TAFA1: variants seen among roughly 807,000 people sequenced by gnomAD.
The protein encoded by TAFA1 is TAFA chemokine like family member 1.
In TAFA1, 4 loss-of-function variants were observed where a neutral mutation model predicts 18.5. That is an observed-to-expected ratio of 0.22 (90% CI 0.11 to 0.49). The LOEUF (loss-of-function observed/expected upper bound fraction) is 0.49. Among genes scored for constraint, TAFA1 ranks in the 20% least tolerant of loss-of-function variants. The probability of loss-of-function intolerance (pLI) is 0.98; values close to 1 mark genes in which losing one functional copy is unlikely to be tolerated. For synonymous variants in TAFA1, 56 were observed against 55.2 expected (o/e 1.01, Z -0.06); for missense variants, 147 against 169.0 (o/e 0.87, Z 0.72).
rs149365196 is a variant in TAFA1 at position 68,498,796 on chromosome 3, A to G, written c.260-39960A>G. Among the ~76,000 whole-genome samples, 1,051 of 143,408 alleles carry G rather than the reference A, an allele frequency of 7.3e-3. 23 individuals carry two copies. The highest frequency in any genetic ancestry group is 0.027 in the African/African-American group (999 of 37,298). 94.1% of individuals were successfully genotyped at this position (143,408 alleles called of 152,430 possible). On this transcript the variant is annotated intron_variant, in intron 3 of 4. Transcript: ENST00000478136. ...AAAACTATTTTAGTGGCCACCATGT[A>G]GAAAGAAACATTTGAAGTAATTCTT...
intron 2 of TAFA1, among the ~76,000 whole-genome samples, chr3:68,394,603 G>T (rs1387745675): frequency 1.3e-5 from 2 of 152,068 alleles, no homozygotes; most frequent in Non-Finnish European, 2.9e-5. Context: ...TACCAAAACA[G>T]ATATATAGAC....
intron 2 of TAFA1, among the ~76,000 whole-genome samples, chr3:68,150,111 G>C (rs1345093874): frequency 3.3e-5 from 5 of 152,186 alleles, no homozygotes. Flanking sequence ...GATGAATTAT[G>C]GATGCTACAG....
At chr3:68,087,124 T>G (rs1395496861) in intron 2 of TAFA1, among the ~76,000 whole-genome samples, 2 of 152,230 alleles carry the variant, frequency 1.3e-5, no homozygotes, top group Non-Finnish European at 2.9e-5. Context: ...ATTGGATACC[T>G]ACTGTTGTAC....
intron 3 of TAFA1, among the ~76,000 whole-genome samples, chr3:68,442,842 C>A (rs972528406): frequency 9.2e-5 from 14 of 152,118 alleles, no homozygotes; most frequent in African/African-American, 3.4e-4. Flanking sequence ...TGTTTCTCTC[C>A]ATCAGATAGC....
intron 2 of TAFA1, among the ~76,000 whole-genome samples, chr3:68,064,720 AT>A (rs75015019): frequency 6.6e-6 from 1 of 151,040 alleles, no homozygotes; most frequent in Non-Finnish European, 1.5e-5. Flanking sequence ...GTTTTGTGTA[AT>A]TTTTTTTGCC....
chr3:68,318,983 G>A (rs1390384096), intron 2 of TAFA1, among the ~76,000 whole-genome samples: 2 of 152,102 alleles, frequency 1.3e-5, no homozygotes, highest in Non-Finnish European at 2.9e-5. Context: ...TCAGAAGTCA[G>A]CATTTTATTT....
intron 2 of TAFA1, among the ~76,000 whole-genome samples, chr3:68,317,914 G>A (rs1352852957): frequency 6.6e-6 from 1 of 152,032 alleles, no homozygotes; most frequent in Non-Finnish European, 1.5e-5. Flanking sequence ...AAGTGCCTGG[G>A]AGCCTGTAAA....
intron 2 of TAFA1, among the ~76,000 whole-genome samples, chr3:68,416,372 T>C (rs1461162100): frequency 6.6e-6 from 1 of 152,216 alleles, no homozygotes; most frequent in East Asian, 1.9e-4. Context: ...AACAAATGCT[T>C]GGTGAATTTT....
chr3:68,499,805 T>A (rs2106702921), intron 3 of TAFA1, among the ~76,000 whole-genome samples: 1 of 151,890 alleles, frequency 6.6e-6, no homozygotes, highest in East Asian at 1.9e-4. Context: ...CTGTCAAGAT[T>A]CTCTTGGTTA....
At chr3:68,152,345 C>A (rs1002881545) in intron 2 of TAFA1, among the ~76,000 whole-genome samples, 2 of 152,110 alleles carry the variant, frequency 1.3e-5, no homozygotes, top group Non-Finnish European at 2.9e-5. Context: ...CCAAACCTCC[C>A]AGACATCTAT....
At position 68,342,683 on chromosome 3, in the gene TAFA1, A is replaced by G. The variant is rs79452777; in HGVS notation, c.119-74597A>G. On this transcript the variant is annotated intron_variant, in intron 2 of 4. Coordinates refer to ENST00000478136, the MANE Select transcript of TAFA1 (RefSeq NM_213609.4). ...GCCTCTCTCGTCATTTCTCAGTTCT[A>G]TGGAGAATAAAAGCCTCAACTTTAT... Among the ~76,000 whole-genome samples the G allele has an allele frequency of 6.1e-3, 923 of 152,298 alleles. 12 individuals carry two copies. The highest frequency in any genetic ancestry group is 0.02 in the African/African-American group (833 of 41,564).
At chr3:68,359,944 A>T (rs1001288454) in intron 2 of TAFA1, among the ~76,000 whole-genome samples, 1 of 152,000 alleles carries the variant, frequency 6.6e-6, no homozygotes, top group African/African-American at 2.4e-5. Flanking sequence ...ACACAAAAAT[A>T]CAAGTGTGCT....
intron 2 of TAFA1, among the ~76,000 whole-genome samples, chr3:68,244,583 C>T (rs2067042139): frequency 6.6e-6 from 1 of 151,850 alleles, no homozygotes; most frequent in Non-Finnish European, 1.5e-5. Flanking sequence ...GCTATTTTGC[C>T]CAGGCTGGTC....
chr3:68,346,321 G>A (rs755630638), intron 2 of TAFA1, among the ~76,000 whole-genome samples: 7 of 151,988 alleles, frequency 4.6e-5, no homozygotes, highest in Non-Finnish European at 8.8e-5. Flanking sequence ...ACCACACCCA[G>A]CTAATTTTTG....
At chr3:68,165,508 A>G (rs1337017527) in intron 2 of TAFA1, among the ~76,000 whole-genome samples, 1 of 152,248 alleles carries the variant, frequency 6.6e-6, no homozygotes, top group Non-Finnish European at 1.5e-5. Flanking sequence ...TCATTCCAGA[A>G]CATTTGCTAC....
chr3:68,521,266 C>A (rs140816408), intron 3 of TAFA1, among the ~76,000 whole-genome samples: 15 of 152,272 alleles, frequency 9.9e-5, no homozygotes, highest in African/African-American at 3.6e-4. Context: ...TCTCATAGAC[C>A]AGAATCGTAT....
At chr3:68,188,480 A>G (rs1025377970) in intron 2 of TAFA1, among the ~76,000 whole-genome samples, 3 of 142,214 alleles carry the variant, frequency 2.1e-5, no homozygotes, top group Admixed American at 7.5e-5. Context: ...TTATATATAT[A>G]TGTATATAAT....
chr3:68,477,158 A>G (rs1430447385), intron 3 of TAFA1, among the ~76,000 whole-genome samples: 2 of 151,876 alleles, frequency 1.3e-5, no homozygotes, highest in African/African-American at 4.8e-5. Context: ...ATACAACACA[A>G]TTATATGTTT....
At chr3:68,040,060 C>T (rs984451772) in intron 2 of TAFA1, among the ~76,000 whole-genome samples, 23 of 152,162 alleles carry the variant, frequency 1.5e-4, no homozygotes, top group Admixed American at 4.6e-4. Flanking sequence ...GTATGTGGAA[C>T]GACACCTTCT....
Sources: gnomAD v4.1 joint callset for allele counts (sites outside exome capture counted in the v4.1 genomes callset) on GRCh38, gnomAD v4.1.1 for gene constraint, MANE v1.5 for transcripts, NCBI Gene and HGNC (gene_info 2026-07-23, HGNC 2026-07-21) for gene names.